The following COX6B1 variants were observed in gnomAD, a reference collection of about 807,000 sequenced individuals.
COX6B1 encodes the protein COX VIb-1.
COX6B1 carries 2 observed loss-of-function variants against 14.0 expected under a neutral mutation model. That is an observed-to-expected ratio of 0.14 (90% confidence interval 0.06 to 0.45). The LOEUF (loss-of-function observed/expected upper bound fraction) is 0.45. Among genes scored for constraint, COX6B1 ranks in the 20% least tolerant of loss-of-function variants. COX6B1 has a pLI of 0.98. For synonymous variants in COX6B1, 30 were observed against 39.7 expected, an observed-to-expected ratio of 0.76 and a Z score of 0.92; for missense variants, 81 against 114.2, an observed-to-expected ratio of 0.71 and a Z score of 1.33.
chr19:35,650,482 CG>C (rs1568342092), intron 1 of COX6B1, among the ~76,000 whole-genome samples: 1 of 152,034 alleles, frequency 6.6e-6, no homozygotes, highest in Admixed American at 6.6e-5. Context: ...GAGGCCAAGC[CG>C]GGCAGATCAT....
rs745734530 is a variant in COX6B1 at position 35,654,580 on chromosome 19, G to T, written c.116G>T (p.Arg39Leu). The T allele has an allele frequency of 6.2e-7, 1 of 1,613,702 alleles. No individual in the cohort carries two copies. Among genetic ancestry groups the T allele is most frequent in the South Asian group, 1.1e-5 (1 of 91,066 alleles). The change falls in exon 3 of 4, where the codon CGC becomes CTC. Residue 39 changes from arginine to leucine, a missense_variant. Arg to Leu is a moderately radical substitution (Grantham distance 102, BLOSUM62 -2). Coordinates refer to ENST00000649813, the MANE Select transcript of COX6B1 (RefSeq NM_001863.5). The stretch of plus-strand genomic sequence containing the variant: ...ACCCCTTTCTTCACAGACTTCCACC[G>T]CTGTCAGAAGGCAATGACCGCTAAA... ...NCWQNYLDFHRCQKAMTAKGG... is the reference protein window; with the variant it reads ...NCWQNYLDFHLCQKAMTAKGG...
chr19:35,654,081 C>A (rs1967861308), intron 2 of COX6B1, among the ~76,000 whole-genome samples: 1 of 152,192 alleles, frequency 6.6e-6, no homozygotes, highest in Non-Finnish European at 1.5e-5. Flanking sequence ...TTTTTTCATT[C>A]AGTACCTTCT....
At chr19:35,657,672 T>A (rs901390478) in intron 3 of COX6B1, among the ~76,000 whole-genome samples, 9 of 149,662 alleles carry the variant, frequency 6.0e-5, no homozygotes, top group Admixed American at 1.3e-4. Flanking sequence ...TTTTTTTTTT[T>A]AGAGACAGTC....
At chr19:35,649,243 C>G (rs1306263103) in intron 1 of COX6B1, among the ~76,000 whole-genome samples, 1 of 152,108 alleles carries the variant, frequency 6.6e-6, no homozygotes, top group African/African-American at 2.4e-5. Flanking sequence ...TTTTACTAAC[C>G]TTTTGAGGCA....
In COX6B1 at chr19:35,658,609, G is replaced by A. The variant is rs1194216131; in HGVS notation, c.223G>A (p.Glu75Lys). Residue 75 changes from glutamate to lysine, a missense_variant, in exon 4 of 4, where the codon GAG becomes AAG. By Grantham distance (56) the Glu-to-Lys change is moderately conservative. Coordinates refer to ENST00000649813, the MANE Select transcript of COX6B1 (RefSeq NM_001863.5). ...CPTSWVTDWD[E>K]QRAEGTFPGK... ...CTTTCCACAGGTCACAGACTGGGAT[G>A]AGCAACGGGCTGAAGGCACGTTTCC... The A allele has an allele frequency of 6.2e-7, 1 of 1,614,052 alleles. No homozygotes were observed. The highest frequency in any genetic ancestry group is 8.5e-7 in the Non-Finnish European group (1 of 1,179,966).
chr19:35,650,362 T>C (rs1332102905), intron 1 of COX6B1, among the ~76,000 whole-genome samples: 2 of 152,232 alleles, frequency 1.3e-5, no homozygotes, highest in Non-Finnish European at 2.9e-5. Context: ...TGTGATGCTG[T>C]GCAGGTTTTT....
chr19:35,649,345 A>G (rs1281330894), intron 1 of COX6B1, among the ~76,000 whole-genome samples: 1 of 151,484 alleles, frequency 6.6e-6, no homozygotes, highest in African/African-American at 2.4e-5. Context: ...TTTTTGAGAC[A>G]GGGTCACTGT....
intron 2 of COX6B1, among the ~76,000 whole-genome samples, chr19:35,652,712 C>T (rs1175724596): frequency 6.6e-6 from 1 of 151,848 alleles, no homozygotes; most frequent in Non-Finnish European, 1.5e-5. Context: ...TCCCAAAGTG[C>T]TGGAATTACA....
chr19:35,653,238 G>A (rs1467040724), intron 2 of COX6B1, among the ~76,000 whole-genome samples: 1 of 151,194 alleles, frequency 6.6e-6, no homozygotes, highest in Non-Finnish European at 1.5e-5. Context: ...CTCCCAAAGT[G>A]CTGAGATTAC....
At chr19:35,650,201 A>G (rs911460600) in intron 1 of COX6B1, among the ~76,000 whole-genome samples, 2 of 151,780 alleles carry the variant, frequency 1.3e-5, no homozygotes, top group Admixed American at 1.3e-4. Context: ...CCAGGGTTTC[A>G]CCATGTTGGC....
chr19:35,657,894 C>G (rs147108518), intron 3 of COX6B1, among the ~76,000 whole-genome samples: 2 of 152,052 alleles, frequency 1.3e-5, no homozygotes, highest in South Asian at 4.2e-4. Context: ...TGGGCTCAAG[C>G]GATCCTCCCA....
intron 1 of COX6B1, among the ~76,000 whole-genome samples, chr19:35,650,434 G>A (rs757986209): frequency 4.6e-5 from 7 of 152,130 alleles, no homozygotes; most frequent in Admixed American, 1.3e-4. Context: ...TATTCAGGCC[G>A]GGTTTGGTGT....
intron 1 of COX6B1, among the ~76,000 whole-genome samples, chr19:35,650,084 A>G (rs61502068): frequency 0.13 from 20,290 of 151,232 alleles, 1,656 homozygotes; most frequent in East Asian, 0.29. Context: ...GCTCACTACA[A>G]CCTCCGCCTC....
chr19:35,649,733 G>C (rs955683751), intron 1 of COX6B1, among the ~76,000 whole-genome samples: 1 of 151,884 alleles, frequency 6.6e-6, no homozygotes, highest in Non-Finnish European at 1.5e-5. Flanking sequence ...ACCCACCTCG[G>C]CTTCCCAAAG....
chr19:35,652,593 C>T (rs1967838727), intron 2 of COX6B1, among the ~76,000 whole-genome samples: 1 of 149,662 alleles, frequency 6.7e-6, no homozygotes, highest in African/African-American at 2.5e-5. Flanking sequence ...CGCCACCATG[C>T]CCAGCTAATT....
Position 35,653,729 on chromosome 19 carries a change from C to T in COX6B1, c.107-842C>T, listed in dbSNP as rs575874072. On this transcript the variant is annotated intron_variant, in intron 2 of 3. Coordinates refer to ENST00000649813, the MANE Select transcript of COX6B1 (RefSeq NM_001863.5). ...CCGAGTAGCTGGGACTACAGGTGCC[C>T]GCCACCGCGCCCAGCTAATTTTTTG... 7.2e-4 allele frequency among the ~76,000 whole-genome samples: 109 copies of T among 151,814 alleles called. 1 individual carries two copies. The Middle Eastern group carries it at 0.01, about 14-fold the overall frequency.
At chr19:35,654,915 A>G (rs114312700) in intron 3 of COX6B1, among the ~76,000 whole-genome samples, 1 of 151,668 alleles carries the variant, frequency 6.6e-6, no homozygotes, top group Admixed American at 6.6e-5. Flanking sequence ...TAGCTCACTC[A>G]TGCACTCTCC....
chr19:35,657,943 C>T (rs565382760), intron 3 of COX6B1, among the ~76,000 whole-genome samples: 9 of 152,216 alleles, frequency 5.9e-5, no homozygotes, highest in African/African-American at 2.2e-4. Flanking sequence ...AGGCGTGAGC[C>T]ACCATGCCCG....
Position 35,658,614 on chromosome 19 carries a change from A to G in COX6B1, c.228A>G (p.Gln76=), listed in dbSNP as rs116118827. 1,793 of 1,614,078 alleles carry G rather than the reference A, an allele frequency of 1.1e-3. 8 individuals are homozygous for G. The African/African-American group carries it at 0.021, about 19-fold the overall frequency. ...CACAGGTCACAGACTGGGATGAGCA[A>G]CGGGCTGAAGGCACGTTTCCCGGGA... The part of the protein sequence containing the change: ...PTSWVTDWDE[Q]RAEGTFPGKI Residue 76 remains glutamine (Q), a synonymous_variant, in exon 4 of 4, where the codon CAA becomes CAG. Transcript: ENST00000649813.
Sources: allele counts gnomAD v4.1 joint callset (sites outside exome capture counted in the v4.1 genomes callset), GRCh38; gene constraint gnomAD v4.1.1; transcripts MANE v1.5; gene names NCBI Gene and HGNC (gene_info 2026-07-23, HGNC 2026-07-21).